COG5: variants seen among roughly 807,000 people sequenced by gnomAD.
The protein encoded by COG5 is conserved oligomeric Golgi complex subunit 5.
A neutral mutation model predicts 110.4 loss-of-function variants in COG5; 86 were observed. The observed-to-expected ratio is 0.78, with a 90% CI of 0.65 to 0.93. The LOEUF is 0.93. Ranked by LOEUF, COG5 falls within the 40% of genes least tolerant of loss-of-function variation. The probability of loss-of-function intolerance (pLI) is 0.00; values close to 1 mark genes in which losing one functional copy is unlikely to be tolerated. For synonymous variants in COG5, 360 were observed against 334.6 expected (o/e 1.08, Z -0.83); for missense variants, 1,077 against 987.0 (o/e 1.09, Z -1.22).
Position 107,458,025 on chromosome 7 carries a change from C to T in COG5, c.539-45393G>A, listed in dbSNP as rs1034458132. 1.2e-4 allele frequency among the ~76,000 whole-genome samples: 19 copies of T among 152,114 alleles called. 1 individual carries two copies. The highest frequency in any genetic ancestry group is 2.1e-4 in the Non-Finnish European group (14 of 68,002). ...AGAGGAAAGAAGATACATCACAGAA[C>T]TGAGGAACAAAGATAAGAATGATCA... is the stretch of plus-strand genomic sequence containing the variant. On this transcript the variant is annotated intron_variant, in intron 6 of 21. Transcript: ENST00000297135.
chr7:107,488,648 C>T (rs1476470061), intron 6 of COG5, among the ~76,000 whole-genome samples: 2 of 152,024 alleles, frequency 1.3e-5, no homozygotes, highest in Non-Finnish European at 2.9e-5. Context: ...AATTCAAGAC[C>T]AGCCTGGGCA....
chr7:107,287,818 T>C (rs1805771289), intron 12 of COG5, among the ~76,000 whole-genome samples: 1 of 151,734 alleles, frequency 6.6e-6, no homozygotes, highest in African/African-American at 2.4e-5. Flanking sequence ...TGTTGCAGCA[T>C]GTACAGTACT....
chr7:107,220,815 C>CTTTTTTTTTTTTTTTTTTTTTTTTTTT (rs1168926155), intron 19 of COG5, among the ~76,000 whole-genome samples: 1 of 123,932 alleles, frequency 8.1e-6, no homozygotes. Context: ...CTCATGCCTT[C>CTTTTTTTTTTTTTTTTTTTTTTTTTTT]TTTTTTTTTT....
chr7:107,428,363 A>G (rs1193094699), intron 6 of COG5, among the ~76,000 whole-genome samples: 1 of 152,148 alleles, frequency 6.6e-6, no homozygotes, highest in Non-Finnish European at 1.5e-5. Flanking sequence ...ACACCTTTTA[A>G]GGAACATTTG....
At chr7:107,426,197 G>A (rs747276399) in intron 6 of COG5, among the ~76,000 whole-genome samples, 5 of 152,088 alleles carry the variant, frequency 3.3e-5, no homozygotes, top group Non-Finnish European at 7.3e-5. Context: ...ATAGCAGCTC[G>A]AGCACTACAG....
chr7:107,277,627 C>A (rs570229991), intron 14 of COG5, among the ~76,000 whole-genome samples: 38 of 152,264 alleles, frequency 2.5e-4, no homozygotes, highest in African/African-American at 8.7e-4. Flanking sequence ...GACAGTAATA[C>A]TTTCATTTCA....
chr7:107,525,886 A>C (rs569321843), intron 6 of COG5, among the ~76,000 whole-genome samples: 19 of 152,272 alleles, frequency 1.2e-4, no homozygotes, highest in African/African-American at 3.4e-4. Flanking sequence ...CACCCAGCTT[A>C]AAAGTTCAAC....
intron 6 of COG5, chr7:107,475,493 G>A: frequency 3.6e-6 from 2 of 562,552 alleles, no homozygotes; most frequent in East Asian, 5.9e-5. Context: ...CAATGTGAAT[G>A]TCAATTAGAT....
chr7:107,478,041 C>A (rs1439624491), intron 6 of COG5, among the ~76,000 whole-genome samples: 1 of 151,840 alleles, frequency 6.6e-6, no homozygotes, highest in Non-Finnish European at 1.5e-5. Flanking sequence ...ATCCATATAT[C>A]ATAAATCATA....
chr7:107,447,297 G>A (rs759010483), intron 6 of COG5, among the ~76,000 whole-genome samples: 40 of 152,096 alleles, frequency 2.6e-4, no homozygotes, highest in Admixed American at 1.8e-3. Flanking sequence ...AAGGTCTCAT[G>A]TATTACTTAG....
intron 6 of COG5, among the ~76,000 whole-genome samples, chr7:107,480,091 T>C (rs934166430): frequency 1.6e-4 from 25 of 152,134 alleles, no homozygotes; most frequent in African/African-American, 6.0e-4. Context: ...AGGATAATAG[T>C]AATGAAAGGG....
At chr7:107,475,298 A>G in intron 6 of COG5, 1 of 1,592,792 alleles carries the variant, frequency 6.3e-7, no homozygotes, top group East Asian at 2.2e-5. Context: ...AGAAACAAAA[A>G]AATTACCTTT....
intron 7 of COG5, among the ~76,000 whole-genome samples, chr7:107,375,772 C>A (rs1814589504): frequency 6.6e-6 from 1 of 151,772 alleles, no homozygotes; most frequent in Non-Finnish European, 1.5e-5. Context: ...AATATGTTCT[C>A]CCACTCTTAA....
intron 3 of COG5, among the ~76,000 whole-genome samples, chr7:107,550,169 A>G (rs1802786661): frequency 6.6e-6 from 1 of 152,102 alleles, no homozygotes; most frequent in Non-Finnish European, 1.5e-5. Flanking sequence ...AATCCTAGGA[A>G]TAACTCACGG....
At chr7:107,276,638 G>GT (rs1804723365) in intron 14 of COG5, among the ~76,000 whole-genome samples, 1 of 152,150 alleles carries the variant, frequency 6.6e-6, no homozygotes, top group East Asian at 1.9e-4. Flanking sequence ...GGCCAACAGA[G>GT]TGAGACCATC....
chr7:107,415,432 G>C lies in COG5; in HGVS notation c.539-2800C>G, dbSNP rs200492943. 9.9e-5 allele frequency among the ~76,000 whole-genome samples: 15 copies of C among 152,110 alleles called. No individual in the cohort carries two copies. The East Asian group carries it at 2.9e-3, about 29-fold the overall frequency. On this transcript the variant is annotated intron_variant, in intron 6 of 21. Transcript: ENST00000297135. Reference sequence around the variant, plus strand: ...CCATTTTTTAAAAACAAACCTTGTAGAGCTATTTGAGTTTATTACACATGT... The same window carrying C: ...CCATTTTTTAAAAACAAACCTTGTACAGCTATTTGAGTTTATTACACATGT...
At chr7:107,563,691 G>A (rs1408891745) in intron 1 of COG5, 112 bp downstream of exon 1, 2 of 1,265,362 alleles carry the variant, frequency 1.6e-6, no homozygotes, top group African/African-American at 2.9e-5. Flanking sequence ...GAGTGGTCAC[G>A]TCCAGACTGG....
chr7:107,209,842 T>C (rs1267308186), intron 21 of COG5: 4 of 985,534 alleles, frequency 4.1e-6, no homozygotes, highest in African/African-American at 3.5e-5. Flanking sequence ...GGCGGTCAAC[T>C]GTAGCTAAAG....
chr7:107,435,101 T>C (rs1044210432), intron 6 of COG5, among the ~76,000 whole-genome samples: 2 of 152,138 alleles, frequency 1.3e-5, no homozygotes, highest in African/African-American at 2.4e-5. Context: ...TTATCTAAAG[T>C]AGTCAAACTC....
Sources: gnomAD v4.1 joint callset for allele counts (sites outside exome capture counted in the v4.1 genomes callset) on GRCh38, gnomAD v4.1.1 for gene constraint, MANE v1.5 for transcripts, NCBI Gene and HGNC (gene_info 2026-07-23, HGNC 2026-07-21) for gene names.